Variants in NRG1 observed in about 807,000 individuals in gnomAD.
NRG1 encodes neuregulin 1, also known as pro-neuregulin-1, membrane-bound isoform.
In NRG1, 18 loss-of-function variants were observed where a neutral mutation model predicts 63.8. That is an observed-to-expected ratio of 0.28 (90% CI 0.19 to 0.42). The LOEUF is 0.42. Ranked by LOEUF, NRG1 falls within the 10% of genes least tolerant of loss-of-function variation. The pLI is 1.00. For missense variants in NRG1, 762 were observed against 814.7 expected (o/e 0.94, Z 0.79); for synonymous variants, 302 against 301.3 (o/e 1.00, Z -0.02).
chr8:32,462,595 C>CTTTTTTTTTTTTT (rs58485445), intron 1 of NRG1, among the ~76,000 whole-genome samples: 3 of 72,276 alleles, frequency 4.2e-5, no homozygotes, highest in Admixed American at 2.4e-4. Context: ...CACACTGATT[C>CTTTTTTTTTTTTT]TTTTTTTTTT....
chr8:31,801,294 G>A (rs1821761681), intron 1 of NRG1, among the ~76,000 whole-genome samples: 1 of 152,110 alleles, frequency 6.6e-6, no homozygotes, highest in South Asian at 2.1e-4. Context: ...ATGAAATGGT[G>A]TTTTGTTTCT....
intron 1 of NRG1, among the ~76,000 whole-genome samples, chr8:32,393,880 A>G (rs985692293): frequency 5.3e-5 from 8 of 152,180 alleles, no homozygotes; most frequent in Admixed American, 5.2e-4. Flanking sequence ...CCATGAACCT[A>G]AAATAAAAGT....
chr8:31,937,603 T>C, intron 1 of NRG1, among the ~76,000 whole-genome samples: 1 of 152,278 alleles, frequency 6.6e-6, no homozygotes, highest in African/African-American at 2.4e-5. Context: ...ATGGGGATGC[T>C]CATGGTATGG....
chr8:32,759,764 A>C (rs1402221628), intron 10 of NRG1, among the ~76,000 whole-genome samples: 2 of 152,192 alleles, frequency 1.3e-5, no homozygotes, highest in Admixed American at 1.3e-4. Flanking sequence ...GCCCTGGGAA[A>C]TGCACATGAG....
intron 1 of NRG1, among the ~76,000 whole-genome samples, chr8:32,221,359 C>T (rs1845798036): frequency 6.6e-6 from 1 of 152,152 alleles, no homozygotes; most frequent in African/African-American, 2.4e-5. Flanking sequence ...TTCGTTTTCC[C>T]TCTAATCTAG....
chr8:32,274,081 AAATC>A (rs1417919436), intron 1 of NRG1, among the ~76,000 whole-genome samples: 1 of 152,228 alleles, frequency 6.6e-6, no homozygotes, highest in African/African-American at 2.4e-5. Context: ...AAGAAAAAGA[AAATC>A]AATCCTAAGC....
chr8:31,714,875 G>A (rs1175256411), intron 1 of NRG1, among the ~76,000 whole-genome samples: 1 of 152,034 alleles, frequency 6.6e-6, no homozygotes, highest in Non-Finnish European at 1.5e-5. Flanking sequence ...TGAAGAAACT[G>A]TTCTACCATG....
chr8:32,400,741 G>T (rs142118790), intron 1 of NRG1, among the ~76,000 whole-genome samples: 13 of 152,274 alleles, frequency 8.5e-5, no homozygotes, highest in African/African-American at 3.1e-4. Context: ...ATTCCTCAAA[G>T]AACTTAAAAT....
At chr8:32,581,591 T>A (rs60944982) in intron 1 of NRG1, among the ~76,000 whole-genome samples, 1 of 151,234 alleles carries the variant, frequency 6.6e-6, no homozygotes, top group Non-Finnish European at 1.5e-5. Context: ...GAAACAAACA[T>A]GTGTAAAGAT....
At position 32,742,434 on chromosome 8, in the gene NRG1, C is replaced by A. The variant is rs1244730037; in HGVS notation, c.633-241C>A. Among the ~76,000 whole-genome samples the A allele has an allele frequency of 6.6e-6, 1 of 152,036 alleles. No individual in the cohort carries two copies. The highest frequency in any genetic ancestry group is 1.5e-5 in the Non-Finnish European group (1 of 68,032). On this transcript the variant is annotated intron_variant, in intron 6 of 11. Transcript: ENST00000356819. The surrounding 1 kb of genome is among the most constrained non-coding windows in gnomAD (Gnocchi z 4.2). The stretch of plus-strand genomic sequence containing the variant: ...GGGGTTCCCTTTGAAAGAAGGCAAC[C>A]ACTTAAAGTGCTGGGATCTTTCCAC...
At chr8:31,740,421 G>A (rs1425912773) in intron 1 of NRG1, among the ~76,000 whole-genome samples, 1 of 151,974 alleles carries the variant, frequency 6.6e-6, no homozygotes, top group East Asian at 1.9e-4. Context: ...TGAGTAATTA[G>A]AGAAATACCT....
chr8:31,958,592 CAG>C (rs1157960236), intron 1 of NRG1, among the ~76,000 whole-genome samples: 1 of 152,132 alleles, frequency 6.6e-6, no homozygotes, highest in Non-Finnish European at 1.5e-5. Flanking sequence ...TAAGTGGAGA[CAG>C]AGTCTTGCAT....
At chr8:32,681,333 T>C (rs1410239840) in intron 5 of NRG1, among the ~76,000 whole-genome samples, 1 of 152,172 alleles carries the variant, frequency 6.6e-6, no homozygotes, top group Non-Finnish European at 1.5e-5. Flanking sequence ...GTTCTTCTTG[T>C]ATCATCAGTG....
intron 1 of NRG1, among the ~76,000 whole-genome samples, chr8:31,926,501 G>A (rs116732606): frequency 0.011 from 1,604 of 152,170 alleles, 26 homozygotes; most frequent in African/African-American, 0.037. Flanking sequence ...AAGCTATTCT[G>A]TTATAGCTGG....
chr8:32,473,351 T>C (rs572277061), intron 1 of NRG1, among the ~76,000 whole-genome samples: 4 of 152,354 alleles, frequency 2.6e-5, no homozygotes, highest in South Asian at 4.1e-4. Flanking sequence ...ACGAAATCTT[T>C]TCGAGGCTCT....
intron 1 of NRG1, among the ~76,000 whole-genome samples, chr8:31,867,703 GCA>G (rs1829087298): frequency 6.6e-6 from 1 of 151,976 alleles, no homozygotes; most frequent in African/African-American, 2.4e-5. Flanking sequence ...ACTGAAATCA[GCA>G]CATTTTTCTG....
chr8:31,912,416 C>T (rs191818000), intron 1 of NRG1, among the ~76,000 whole-genome samples: 25 of 152,012 alleles, frequency 1.6e-4, no homozygotes, highest in Admixed American at 3.9e-4. Flanking sequence ...TGTGGGGACC[C>T]TGGAAGCAGC....
At chr8:32,664,670 A>G (rs576495058) in intron 5 of NRG1, among the ~76,000 whole-genome samples, 14 of 152,246 alleles carry the variant, frequency 9.2e-5, no homozygotes, top group African/African-American at 3.1e-4. Context: ...GATGATAGTG[A>G]CAATCTGAAT....
rs115462530 is a variant in NRG1 at position 32,615,532 on chromosome 8, T to C, written c.451+968T>C. On this transcript the variant is annotated intron_variant, in intron 4 of 11. Transcript: ENST00000356819. ...ACCTCAGGAAGTAGAAGAGAAGGTA[T>C]TTCAAGTTCGATATTCTTTTTATTA... Among the ~76,000 whole-genome samples, 1,056 of 152,246 alleles carry C rather than the reference T, an allele frequency of 6.9e-3. 13 individuals are homozygous for C. Among genetic ancestry groups the C allele is most frequent in the African/African-American group, 0.024 (986 of 41,570 alleles).
Sources: gnomAD v4.1 joint callset for allele counts (sites outside exome capture counted in the v4.1 genomes callset) on GRCh38, gnomAD v4.1.1 for gene constraint, Gnocchi (gnomAD v3.1) non-coding constraint, MANE v1.5 for transcripts, NCBI Gene and HGNC (gene_info 2026-07-23, HGNC 2026-07-21) for gene names.